Variants in ATP8A1 observed in about 807,000 individuals in gnomAD.
The protein encoded by ATP8A1 is ATPase phospholipid transporting 8A1, also known as phospholipid-transporting ATPase IA.
A neutral mutation model predicts 177.7 loss-of-function variants in ATP8A1; 90 were observed. That is an observed-to-expected ratio of 0.51 (90% confidence interval 0.43 to 0.60). ATP8A1 has a LOEUF of 0.60. Ranked by LOEUF, ATP8A1 falls within the 20% of genes least tolerant of loss-of-function variation. The pLI is 0.00. For missense variants in ATP8A1, 1,072 were observed against 1,392.8 expected, an observed-to-expected ratio of 0.77 and a Z score of 3.67; for synonymous variants, 493 against 485.9, an observed-to-expected ratio of 1.01 and a Z score of -0.19.
chr4:42,518,374 A>G (rs906062419), intron 22 of ATP8A1, among the ~76,000 whole-genome samples: 3 of 152,142 alleles, frequency 2.0e-5, no homozygotes, highest in Non-Finnish European at 2.9e-5. Flanking sequence ...TGATCTTTTG[A>G]GGAATTTGTT....
chr4:42,431,538 AT>A (rs1280805129), intron 33 of ATP8A1, among the ~76,000 whole-genome samples: 1 of 152,034 alleles, frequency 6.6e-6, no homozygotes, highest in Admixed American at 6.6e-5. Flanking sequence ...GGAATCTTTC[AT>A]TTTTCTTTGT....
rs372593265 is a variant in ATP8A1, at chr4:42,533,815, C to G, written c.1723-8968G>C. Among the ~76,000 whole-genome samples, 44 of 152,294 alleles carry G rather than the reference C, an allele frequency of 2.9e-4. No individual in the cohort carries two copies. In the East Asian group the frequency reaches 3.3e-3, roughly 11 times the overall value. Reference sequence around the variant, plus strand: ...CCAAAGCAGGTGCTGGTATCCACAGCTGAGAGACCTGAAGATGGATCATAT... The same window carrying G: ...CCAAAGCAGGTGCTGGTATCCACAGGTGAGAGACCTGAAGATGGATCATAT... On this transcript the variant is annotated intron_variant, in intron 20 of 36. Coordinates refer to ENST00000381668, the MANE Select transcript of ATP8A1 (RefSeq NM_006095.2).
Position 42,446,431 on chromosome 4 carries a change from A to C in ATP8A1, c.2958+152T>G, listed in dbSNP as rs191247265. 1.0e-5 allele frequency: 6 copies of C among 572,754 alleles called. No individual in the cohort carries two copies. The East Asian group carries it at 1.8e-4, about 17-fold the overall frequency. 35.5% of individuals were successfully genotyped at this position (572,754 alleles called of 1,614,324 possible). ...GATAAAAATGAAATAAGACCCCATTATAAGCCCTGGGTCTTACTTAATTTT... is the reference window on the plus strand; with the variant it reads ...GATAAAAATGAAATAAGACCCCATTCTAAGCCCTGGGTCTTACTTAATTTT... On this transcript the variant is annotated intron_variant, in intron 31 of 36. Coordinates refer to ENST00000381668, the MANE Select transcript of ATP8A1 (RefSeq NM_006095.2).
At chr4:42,562,228 C>T (rs1255289249) in intron 15 of ATP8A1, 1 of 152,254 alleles carries the variant, frequency 6.6e-6, no homozygotes, top group Admixed American at 6.5e-5. Context: ...ACTGATGGAA[C>T]ACCACCTGTT....
chr4:42,517,504 A>C (rs534408257), intron 22 of ATP8A1, among the ~76,000 whole-genome samples: 1 of 152,304 alleles, frequency 6.6e-6, no homozygotes, highest in African/African-American at 2.4e-5. Flanking sequence ...GTTACTGTCC[A>C]CAATGCCCAA....
intron 23 of ATP8A1, among the ~76,000 whole-genome samples, chr4:42,504,742 G>A (rs1724195756): frequency 6.6e-6 from 1 of 152,224 alleles, no homozygotes; most frequent in South Asian, 2.1e-4. Context: ...TTACAGGAAA[G>A]TCAGAGCATG....
At chr4:42,486,177 A>G (rs1402844855) in intron 24 of ATP8A1, among the ~76,000 whole-genome samples, 3 of 152,186 alleles carry the variant, frequency 2.0e-5, no homozygotes, top group African/African-American at 7.2e-5. Flanking sequence ...CATTGGCTGG[A>G]ATGGGACCTC....
chr4:42,522,656 G>A (rs1274441525), intron 21 of ATP8A1, among the ~76,000 whole-genome samples: 1 of 152,116 alleles, frequency 6.6e-6, no homozygotes, highest in African/African-American at 2.4e-5. Flanking sequence ...TTCATCAGGT[G>A]CCTTCACTCT....
intron 27 of ATP8A1, among the ~76,000 whole-genome samples, chr4:42,462,366 A>T (rs924448995): frequency 3.3e-5 from 5 of 152,218 alleles, no homozygotes; most frequent in Non-Finnish European, 7.3e-5. Flanking sequence ...TGCAGCCAAG[A>T]GACTTGGTGC....
intron 27 of ATP8A1, among the ~76,000 whole-genome samples, chr4:42,461,556 C>T (rs1719160351): frequency 6.6e-6 from 1 of 152,180 alleles, no homozygotes; most frequent in Admixed American, 6.5e-5. Flanking sequence ...GATTGTGAGG[C>T]ATCCCCAGCC....
chr4:42,463,084 C>T (rs1719345861), intron 27 of ATP8A1, among the ~76,000 whole-genome samples: 1 of 152,116 alleles, frequency 6.6e-6, no homozygotes, highest in Non-Finnish European at 1.5e-5. Flanking sequence ...CTTGCCTTGT[C>T]TCAGATGAGA....
chr4:42,489,827 C>T (rs1039379458), intron 24 of ATP8A1, among the ~76,000 whole-genome samples: 1 of 151,770 alleles, frequency 6.6e-6, no homozygotes, highest in African/African-American at 2.4e-5. Flanking sequence ...GTTTTTTTGG[C>T]TACTGAAGGG....
intron 33 of ATP8A1, among the ~76,000 whole-genome samples, chr4:42,425,508 T>C (rs1714493279): frequency 6.6e-6 from 1 of 152,180 alleles, no homozygotes; most frequent in Admixed American, 6.5e-5. Context: ...CTAAAAGATT[T>C]AAAGCCGACA....
intron 13 of ATP8A1, 119 bp from the exon 14 acceptor site, chr4:42,574,826 C>G: frequency 1.6e-6 from 1 of 637,410 alleles, no homozygotes; most frequent in Non-Finnish European, 2.7e-6. Flanking sequence ...TACTAAGGAA[C>G]TATTTTCTGC....
intron 20 of ATP8A1, among the ~76,000 whole-genome samples, chr4:42,530,835 A>G (rs1250167214): frequency 1.3e-5 from 2 of 152,150 alleles, no homozygotes; most frequent in African/African-American, 4.8e-5. Context: ...TCCAGGAATC[A>G]AGGGGTGGAA....
chr4:42,544,617 G>A (rs563384865), intron 19 of ATP8A1, among the ~76,000 whole-genome samples: 3 of 152,276 alleles, frequency 2.0e-5, no homozygotes, highest in African/African-American at 7.2e-5. Flanking sequence ...ATCTTTCAAT[G>A]CATTAGTAAA....
intron 1 of ATP8A1, among the ~76,000 whole-genome samples, chr4:42,639,759 T>C (rs962311973): frequency 2.0e-5 from 3 of 152,224 alleles, no homozygotes; most frequent in African/African-American, 7.2e-5. Context: ...AACTAAAAGA[T>C]GAAGACAATT....
chr4:42,641,834 A>C (rs1740023927), intron 1 of ATP8A1, among the ~76,000 whole-genome samples: 1 of 152,230 alleles, frequency 6.6e-6, no homozygotes, highest in South Asian at 2.1e-4. Flanking sequence ...GATTAGTTCC[A>C]ACAGACTAGT....
Position 42,594,491 on chromosome 4 carries a change from A to G in ATP8A1, c.451-3607T>C, listed in dbSNP as rs549134137. ...GCAAACAAGAACCACTTATCTTCAC[A>G]AAATGGAAGAAAATTATCTAGGAGT... On this transcript the variant is annotated intron_variant, in intron 6 of 36. Transcript: ENST00000381668. 50 of 598,246 alleles carry G rather than the reference A, an allele frequency of 8.4e-5. No homozygotes were observed. In the African/African-American group the frequency reaches 8.8e-4, roughly 10 times the overall value. 37.1% of individuals were successfully genotyped at this position (598,246 alleles called of 1,614,324 possible).
Sources: gnomAD v4.1 joint callset for allele counts (sites outside exome capture counted in the v4.1 genomes callset) on GRCh38, gnomAD v4.1.1 for gene constraint, MANE v1.5 for transcripts, NCBI Gene and HGNC (gene_info 2026-07-23, HGNC 2026-07-21) for gene names.